Variants in PRKN observed in about 807,000 individuals in gnomAD.
PRKN encodes the protein E3 ubiquitin-protein ligase parkin.
PRKN carries 56 observed loss-of-function variants against 59.5 expected under a neutral mutation model. The ratio of observed to expected loss-of-function variants is 0.94; its 90% CI spans 0.76 to 1.18. PRKN has a LOEUF of 1.18. Ranked by LOEUF, PRKN falls within the 50% of genes most tolerant of loss-of-function variation. The pLI is 0.00. For missense variants in PRKN, 657 were observed against 596.4 expected (o/e 1.10, Z -1.06); for synonymous variants, 250 against 222.1 (o/e 1.13, Z -1.12).
intron 9 of PRKN, among the ~76,000 whole-genome samples, chr6:161,449,757 C>A (rs149949781): frequency 5.9e-5 from 9 of 152,242 alleles, no homozygotes; most frequent in Admixed American, 2.0e-4. Flanking sequence ...ACTAGACTTC[C>A]GTAACCAGCC....
At chr6:162,043,990 C>T (rs923176040) in intron 5 of PRKN, among the ~76,000 whole-genome samples, 1 of 152,174 alleles carries the variant, frequency 6.6e-6, no homozygotes, top group Admixed American at 6.5e-5. Flanking sequence ...GGCACTTCTA[C>T]CCAGTTCTAA....
chr6:162,369,263 T>C (rs1359513100), intron 2 of PRKN, among the ~76,000 whole-genome samples: 3 of 152,208 alleles, frequency 2.0e-5, no homozygotes, highest in Non-Finnish European at 4.4e-5. Context: ...CATTTCACTG[T>C]CTGAGGTCAA....
intron 2 of PRKN, among the ~76,000 whole-genome samples, chr6:162,380,210 A>G (rs1786354341): frequency 6.6e-6 from 1 of 151,948 alleles, no homozygotes; most frequent in Non-Finnish European, 1.5e-5. Flanking sequence ...GTGGCTTATT[A>G]GGGCAAGTAA....
chr6:161,568,813 C>T (rs1453292718), intron 8 of PRKN, among the ~76,000 whole-genome samples: 1 of 152,048 alleles, frequency 6.6e-6, no homozygotes, highest in African/African-American at 2.4e-5. Flanking sequence ...ATTTACTTAG[C>T]ATATCTATTT....
intron 2 of PRKN, among the ~76,000 whole-genome samples, chr6:162,320,419 C>CAA (rs201106625): frequency 1.6e-3 from 70 of 42,728 alleles, no homozygotes; most frequent in African/African-American, 4.1e-3. Context: ...CAAAAAAAAC[C>CAA]AAAAAAAAAA....
chr6:161,627,516 G>A (rs1404771518), intron 7 of PRKN, among the ~76,000 whole-genome samples: 1 of 152,216 alleles, frequency 6.6e-6, no homozygotes, highest in Non-Finnish European at 1.5e-5. Context: ...CTTTCATAAA[G>A]CCCATCGCCA....
At chr6:161,680,315 GTTA>G (rs1037982641) in intron 7 of PRKN, among the ~76,000 whole-genome samples, 2 of 152,048 alleles carry the variant, frequency 1.3e-5, no homozygotes, top group Non-Finnish European at 2.9e-5. Context: ...TGCTAGCTAG[GTTA>G]ACACGCCTTA....
intron 1 of PRKN, among the ~76,000 whole-genome samples, chr6:162,552,089 G>T (rs569334238): frequency 1.3e-5 from 2 of 152,298 alleles, no homozygotes; most frequent in Non-Finnish European, 2.9e-5. Context: ...GCCATGAGAA[G>T]AGAGAAGGAA....
chr6:161,811,753 T>C (rs1406703985), intron 6 of PRKN, among the ~76,000 whole-genome samples: 1 of 151,920 alleles, frequency 6.6e-6, no homozygotes, highest in Non-Finnish European at 1.5e-5. Flanking sequence ...TGAAACTCCA[T>C]CTCTACTAAA....
chr6:162,556,971 G>A (rs1260011512), intron 1 of PRKN, among the ~76,000 whole-genome samples: 1 of 152,050 alleles, frequency 6.6e-6, no homozygotes, highest in Non-Finnish European at 1.5e-5. Context: ...GCAGATAAAA[G>A]ATAATACATT....
chr6:161,919,129 C>T (rs1778684343), intron 6 of PRKN, among the ~76,000 whole-genome samples: 1 of 152,160 alleles, frequency 6.6e-6, no homozygotes, highest in African/African-American at 2.4e-5. Context: ...TGTCCATCTA[C>T]TGGTGAATGG....
At position 161,478,408 on chromosome 6, in the gene PRKN, GTAGA is replaced by G. The variant is rs542368110; in HGVS notation, c.1083+70442_1083+70445del. Among the ~76,000 whole-genome samples, 230 of 152,312 alleles carry G rather than the reference GTAGA, an allele frequency of 1.5e-3. 1 individual carries two copies. Among genetic ancestry groups the G allele is most frequent in the African/African-American group, 5.3e-3 (221 of 41,562 alleles). The stretch of plus-strand genomic sequence containing the variant: ...TGCACTTATTAATAAAATAACACAA[GTAGA>G]TAGGACATACAGTAAAATAATTACT... On this transcript the variant is annotated intron_variant, in intron 9 of 11. Transcript: ENST00000366898.
At chr6:161,514,384 G>A (rs1268339721) in intron 9 of PRKN, among the ~76,000 whole-genome samples, 1 of 152,212 alleles carries the variant, frequency 6.6e-6, no homozygotes, top group Middle Eastern at 3.4e-3. Context: ...ATATAAGGCT[G>A]GGACTGGGAC....
intron 6 of PRKN, among the ~76,000 whole-genome samples, chr6:161,789,911 T>C (rs1383617736): frequency 6.7e-6 from 1 of 150,172 alleles, no homozygotes; most frequent in East Asian, 1.9e-4. Flanking sequence ...TTACATGTTG[T>C]TCACTAAATT....
rs985252251 is a variant in PRKN, at chr6:161,462,075, A to G, written c.1084-75198T>C. On this transcript the variant is annotated intron_variant, in intron 9 of 11. Transcript: ENST00000366898. This position sits in a 1 kb window ranked among gnomAD's most constrained non-coding sequence, Gnocchi z 4.5. The stretch of plus-strand genomic sequence containing the variant: ...GCACCCACAAGCTAGCAGGGGAGGG[A>G]ACAGTCAACAGTGCCAAATGCCGCC... Among the ~76,000 whole-genome samples the G allele has an allele frequency of 2.6e-5, 4 of 152,130 alleles. No homozygotes were observed. Among genetic ancestry groups the G allele is most frequent in the Non-Finnish European group, 5.9e-5 (4 of 68,016 alleles).
intron 7 of PRKN, among the ~76,000 whole-genome samples, chr6:161,744,121 C>A (rs972565244): frequency 1.3e-5 from 2 of 151,618 alleles, no homozygotes; most frequent in Admixed American, 6.6e-5. Flanking sequence ...TAAAAGCCAA[C>A]TATAAATATT....
intron 4 of PRKN, among the ~76,000 whole-genome samples, chr6:162,124,805 A>T (rs1781056090): frequency 6.6e-6 from 1 of 152,178 alleles, no homozygotes; most frequent in African/African-American, 2.4e-5. Context: ...GAAAAGGCAG[A>T]CGCCAAGAAG....
chr6:162,571,803 A>G (rs1780339530), intron 1 of PRKN, among the ~76,000 whole-genome samples: 2 of 152,324 alleles, frequency 1.3e-5, no homozygotes, highest in South Asian at 4.1e-4. Flanking sequence ...CAGGATAAAC[A>G]GCAAGAGAAA....
At chr6:162,428,220 A>G (rs1219307597) in intron 2 of PRKN, among the ~76,000 whole-genome samples, 1 of 152,174 alleles carries the variant, frequency 6.6e-6, no homozygotes, top group Admixed American at 6.5e-5. Context: ...AATCAAATTC[A>G]AAGTCACTAA....
Sources: allele counts gnomAD v4.1 joint callset (sites outside exome capture counted in the v4.1 genomes callset), GRCh38; gene constraint gnomAD v4.1.1; non-coding constraint Gnocchi (gnomAD v3.1); transcripts MANE v1.5; gene names NCBI Gene and HGNC (gene_info 2026-07-23, HGNC 2026-07-21).